SLC39A14: variants seen among roughly 807,000 people sequenced by gnomAD.
SLC39A14 encodes metal cation symporter ZIP14.
Under a neutral mutation model 45.5 loss-of-function variants are expected in SLC39A14, and 19 were observed. The ratio of observed to expected loss-of-function variants is 0.42; its 90% CI spans 0.29 to 0.61. The LOEUF (loss-of-function observed/expected upper bound fraction) is 0.61, where lower values mean the gene tolerates loss of function less well. Among genes scored for constraint, SLC39A14 ranks in the 20% least tolerant of loss-of-function variants. The pLI is 0.22. For synonymous variants in SLC39A14, 264 were observed against 251.3 expected, an observed-to-expected ratio of 1.05 and a Z score of -0.48; for missense variants, 447 against 616.5, an observed-to-expected ratio of 0.73 and a Z score of 2.91.
At chr8:22,370,203 A>G (rs1053632027) in intron 1 of SLC39A14, among the ~76,000 whole-genome samples, 1 of 151,944 alleles carries the variant, frequency 6.6e-6, no homozygotes, top group Non-Finnish European at 1.5e-5. Context: ...TGTGTAGGGT[A>G]TATATCACTC....
chr8:22,411,558 A>G (rs979582874), intron 3 of SLC39A14, among the ~76,000 whole-genome samples: 1 of 152,236 alleles, frequency 6.6e-6, no homozygotes, highest in African/African-American at 2.4e-5. Context: ...GCAAAAGCAA[A>G]CGCAGCAGCA....
chr8:22,420,722 T>C lies in SLC39A14; in HGVS notation c.*1024T>C. ...CAAGGGTAATCAGAAATGGAATCAG[T>C]GCAGGCAAAATTTAGGATTTGCCGC... On this transcript the variant is annotated 3_prime_UTR_variant, in exon 9 of 9. Transcript: ENST00000381237. 1 of 985,424 alleles carries C rather than the reference T, an allele frequency of 1.0e-6. No individual in the cohort carries two copies. Among genetic ancestry groups the C allele is most frequent in the Middle Eastern group, 5.2e-4 (1 of 1,914 alleles). 61.0% of individuals were successfully genotyped at this position (985,424 alleles called of 1,614,324 possible). A position where few individuals can be genotyped will look rare whatever the true frequency, so the allele number is the denominator to read the frequency against.
At chr8:22,380,233 C>T (rs1833434300) in intron 1 of SLC39A14, among the ~76,000 whole-genome samples, 1 of 152,154 alleles carries the variant, frequency 6.6e-6, no homozygotes, top group East Asian at 1.9e-4. Context: ...AGCAACTTGC[C>T]TCTGTACAGA....
chr8:22,397,563 G>A (rs1243379546), intron 1 of SLC39A14, among the ~76,000 whole-genome samples: 1 of 151,890 alleles, frequency 6.6e-6, no homozygotes, highest in African/African-American at 2.4e-5. Flanking sequence ...GGGCGAAAGA[G>A]CGGGCGAAAG....
chr8:22,373,914 A>G (rs4872478), intron 1 of SLC39A14, among the ~76,000 whole-genome samples: 87,189 of 151,870 alleles, frequency 0.57, 26,403 homozygotes, highest in East Asian at 0.79. Flanking sequence ...ACGCGCCACC[A>G]CGCCCAGCTA....
intron 1 of SLC39A14, among the ~76,000 whole-genome samples, chr8:22,372,666 G>A (rs1383903975): frequency 6.6e-6 from 1 of 152,104 alleles, no homozygotes; most frequent in Non-Finnish European, 1.5e-5. Flanking sequence ...TTTAATTTCA[G>A]CTTTTTATTA....
At chr8:22,377,303 T>C (rs1475275662) in intron 1 of SLC39A14, among the ~76,000 whole-genome samples, 2 of 152,176 alleles carry the variant, frequency 1.3e-5, no homozygotes, top group African/African-American at 4.8e-5. Context: ...TTTCCTTAAT[T>C]TCCTTTACTA....
chr8:22,412,424 A>G (rs1270316931), intron 4 of SLC39A14, among the ~76,000 whole-genome samples: 1 of 152,238 alleles, frequency 6.6e-6, no homozygotes, highest in Non-Finnish European at 1.5e-5. Context: ...AACCCCAGGC[A>G]CACCACTGAC....
chr8:22,401,832 G>A lies in SLC39A14; in HGVS notation c.-15-2864G>A, dbSNP rs564219088. 8.4e-4 allele frequency among the ~76,000 whole-genome samples: 128 copies of A among 151,914 alleles called. 1 individual carries two copies. Among genetic ancestry groups the A allele is most frequent in the African/African-American group, 2.9e-3 (119 of 41,470 alleles). ...ATTACAGGCGTGAGCCACTGTGCCC[G>A]GCCTCATTTGTCTGTGTTCTTTCTC... On this transcript the variant is annotated intron_variant, in intron 1 of 8. Transcript: ENST00000381237.
intron 1 of SLC39A14, among the ~76,000 whole-genome samples, chr8:22,403,275 CTATTTATT>C (rs71206519): frequency 4.1e-5 from 6 of 147,186 alleles, no homozygotes; most frequent in Non-Finnish European, 9.0e-5. Context: ...TGCGCCCGGC[CTATTTATT>C]TATTTATTTA....
intron 1 of SLC39A14, among the ~76,000 whole-genome samples, chr8:22,381,323 G>A (rs1833500268): frequency 6.7e-6 from 1 of 149,758 alleles, no homozygotes; most frequent in Non-Finnish European, 1.5e-5. Context: ...CACCCAGACT[G>A]GAGTGCGGTG....
In SLC39A14 at chr8:22,411,941, T is replaced by G. The variant is rs75982150; in HGVS notation, c.458-96T>G. On this transcript the variant is annotated intron_variant, in intron 3 of 8. Coordinates refer to ENST00000381237, the MANE Select transcript of SLC39A14 (RefSeq NM_001128431.4). ...TTTTCCTTGCGACCTCCCTATCTGCTCCACCTTCCTCCCGCTAAATGGTGG... is the reference window on the plus strand; with the variant it reads ...TTTTCCTTGCGACCTCCCTATCTGCGCCACCTTCCTCCCGCTAAATGGTGG... 34,419 of 1,197,150 alleles carry G rather than the reference T, an allele frequency of 0.029. 662 individuals carry two copies. Among genetic ancestry groups the G allele is most frequent in the Admixed American group, 0.063 (2,469 of 39,210 alleles). 74.2% of individuals were successfully genotyped at this position (1,197,150 alleles called of 1,614,324 possible). A position where few individuals can be genotyped will look rare whatever the true frequency, so the allele number is the denominator to read the frequency against.
In SLC39A14 at chr8:22,432,477, T is replaced by C. The variant is rs147036625; in HGVS notation, c.1333-1414T>C. On this transcript the variant is annotated intron_variant, in intron 8 of 8. Coordinates refer to the SLC39A14 transcript ENST00000240095. ...TCCTTTTTCTCTCTCTCTCTCTCTT[T>C]TTCTCTCTTTCTTTCTTTTAGAACA... is the stretch of plus-strand genomic sequence containing the variant. Among the ~76,000 whole-genome samples, 14 of 151,854 alleles carry C rather than the reference T, an allele frequency of 9.2e-5. No homozygotes were observed. In the East Asian group the frequency reaches 2.7e-3, roughly 29 times the overall value.
chr8:22,400,963 A>G (rs559543994), intron 1 of SLC39A14, among the ~76,000 whole-genome samples: 16 of 152,366 alleles, frequency 1.1e-4, no homozygotes, highest in Middle Eastern at 6.8e-3. Flanking sequence ...GGTACTTGGC[A>G]AGGGCCTTGC....
At chr8:22,406,233 G>C (rs1309945030) in intron 2 of SLC39A14, among the ~76,000 whole-genome samples, 1 of 152,158 alleles carries the variant, frequency 6.6e-6, no homozygotes, top group African/African-American at 2.4e-5. Flanking sequence ...CAGATCACTT[G>C]AGATCAGGAG....
At position 22,390,135 on chromosome 8, in the gene SLC39A14, G is replaced by A. The variant is rs190698229; in HGVS notation, c.-15-14561G>A. On this transcript the variant is annotated intron_variant, in intron 1 of 8. Coordinates refer to ENST00000381237, the MANE Select transcript of SLC39A14 (RefSeq NM_001128431.4). The stretch of plus-strand genomic sequence containing the variant: ...TTTACAGCTATGCCGACAGCATGGT[G>A]GGGAACACTGCAGACGCCTCTGGTT... 89 of 169,184 alleles carry A rather than the reference G, an allele frequency of 5.3e-4. 1 individual carries two copies. The East Asian group carries it at 0.014, about 27-fold the overall frequency. The allele number at this position is 169,184 out of a possible 1,614,324, so 10.5% of individuals were successfully genotyped here.
At chr8:22,409,913 T>C in intron 3 of SLC39A14, 5 of 1,612,054 alleles carry the variant, frequency 3.1e-6, no homozygotes, top group Non-Finnish European at 4.2e-6. Context: ...CCCTCAGTAA[T>C]AGAGGCCCTC....
intron 1 of SLC39A14, among the ~76,000 whole-genome samples, chr8:22,398,466 G>C (rs913972386): frequency 1.3e-5 from 2 of 152,146 alleles, no homozygotes; most frequent in Non-Finnish European, 2.9e-5. Flanking sequence ...TTTGAGCTTA[G>C]TTTTCATGTT....
chr8:22,367,798 C>CT lies in SLC39A14; in HGVS notation c.-16+393dup, dbSNP rs1832718166. On this transcript the variant is annotated intron_variant, in intron 1 of 8. Transcript: ENST00000381237. This position sits in a 1 kb window ranked among gnomAD's most constrained non-coding sequence, Gnocchi z 4.2. ...GCTCTATGGGGCTCTGGGGTCTGGACTTTGCTTTTCAGGAGCTGCGTCCCC... is the reference window on the plus strand; with the variant it reads ...GCTCTATGGGGCTCTGGGGTCTGGACTTTTGCTTTTCAGGAGCTGCGTCCCC... 1 of 153,086 alleles carries CT rather than the reference C, an allele frequency of 6.5e-6. No homozygotes were observed. The highest frequency in any genetic ancestry group is 6.5e-5 in the Admixed American group (1 of 15,306). 9.5% of individuals were successfully genotyped at this position (153,086 alleles called of 1,614,324 possible). A position where few individuals can be genotyped will look rare whatever the true frequency, so the allele number is the denominator to read the frequency against.
Sources: gnomAD v4.1 joint callset for allele counts (sites outside exome capture counted in the v4.1 genomes callset) on GRCh38, gnomAD v4.1.1 for gene constraint, Gnocchi (gnomAD v3.1) non-coding constraint, MANE v1.5 for transcripts, NCBI Gene and HGNC (gene_info 2026-07-23, HGNC 2026-07-21) for gene names.